TRMT9B: variants seen among roughly 807,000 people sequenced by gnomAD.
TRMT9B encodes tRNA methyltransferase 9B (putative).
Under a neutral mutation model 11.5 loss-of-function variants are expected in TRMT9B, and 16 were observed. The ratio of observed to expected loss-of-function variants is 1.39; its 90% confidence interval spans 0.94 to 2.11. The LOEUF (loss-of-function observed/expected upper bound fraction) is 2.11. Among genes scored for constraint, TRMT9B ranks in the 30% most tolerant of loss-of-function variants. The pLI, the probability that TRMT9B is intolerant of heterozygous loss-of-function variation, is 0.00. For missense variants in TRMT9B, 941 were observed against 553.8 expected (o/e 1.70, Z -7.02); for synonymous variants, 274 against 192.4 (o/e 1.42, Z -3.51).
intron 1 of TRMT9B, among the ~76,000 whole-genome samples, chr8:12,974,329 C>T (rs1804097128): frequency 1.3e-5 from 2 of 152,078 alleles, no homozygotes; most frequent in South Asian, 4.1e-4. Flanking sequence ...TTGATAGCAG[C>T]AGGTCCAAGC....
At chr8:12,956,862 A>G (rs1801384110) in intron 1 of TRMT9B, among the ~76,000 whole-genome samples, 1 of 152,182 alleles carries the variant, frequency 6.6e-6, no homozygotes, top group African/African-American at 2.4e-5. Context: ...CAAACTATTG[A>G]AGTAGATATG....
rs532333169 is a variant in TRMT9B at position 13,011,741 on chromosome 8, T to C, written c.155-943T>C. On this transcript the variant is annotated intron_variant, in intron 3 of 4. Coordinates refer to ENST00000524591, the MANE Select transcript of TRMT9B (RefSeq NM_020844.3). The stretch of plus-strand genomic sequence containing the variant: ...ACTGGAAAGTGAATATCAAAAATTG[T>C]CTATTTAAGAAAAAAAGTAGTTTTT... 1.7e-4 allele frequency: 164 copies of C among 970,090 alleles called. 1 individual carries two copies. The South Asian group carries it at 5.0e-3, about 30-fold the overall frequency. 60.1% of individuals were successfully genotyped at this position (970,090 alleles called of 1,614,324 possible).
At chr8:12,964,719 C>A (rs1333011262) in intron 1 of TRMT9B, among the ~76,000 whole-genome samples, 1 of 151,462 alleles carries the variant, frequency 6.6e-6, no homozygotes, top group Non-Finnish European at 1.5e-5. Flanking sequence ...GGACTATAAG[C>A]ATGCCACCAC....
intron 3 of TRMT9B, chr8:13,011,459 T>C: frequency 8.1e-6 from 8 of 985,338 alleles, no homozygotes; most frequent in Non-Finnish European, 9.6e-6. Flanking sequence ...GGTAGATATC[T>C]TTTCAGGTAG....
At chr8:12,990,560 A>G (rs1350513362) in intron 1 of TRMT9B, among the ~76,000 whole-genome samples, 4 of 152,202 alleles carry the variant, frequency 2.6e-5, no homozygotes, top group African/African-American at 7.2e-5. Context: ...ATGACTCTCA[A>G]TGTTAGCAAT....
intron 2 of TRMT9B, among the ~76,000 whole-genome samples, chr8:13,005,182 G>C (rs1336075604): frequency 2.0e-5 from 3 of 152,076 alleles, no homozygotes; most frequent in Non-Finnish European, 4.4e-5. Flanking sequence ...AAATCAGTCA[G>C]GCACAGAAAG....
intron 1 of TRMT9B, among the ~76,000 whole-genome samples, chr8:12,965,477 C>T (rs1297829976): frequency 8.5e-5 from 13 of 152,144 alleles, no homozygotes; most frequent in African/African-American, 1.2e-4. Flanking sequence ...TCCGGATCCC[C>T]GTCCAGAACC....
intron 1 of TRMT9B, among the ~76,000 whole-genome samples, chr8:12,963,977 C>T (rs527892564): frequency 6.6e-6 from 1 of 152,282 alleles, no homozygotes; most frequent in East Asian, 1.9e-4. Context: ...TTATAAATGA[C>T]ACCAATCGCA....
intron 4 of TRMT9B, among the ~76,000 whole-genome samples, chr8:13,017,839 G>C (rs1463674160): frequency 6.6e-6 from 1 of 151,162 alleles, no homozygotes; most frequent in Non-Finnish European, 1.5e-5. Flanking sequence ...GCCCAGGCTG[G>C]TCTTGAACCC....
At chr8:12,956,440 ATAAC>A (rs1585070437) in intron 1 of TRMT9B, among the ~76,000 whole-genome samples, 1 of 152,234 alleles carries the variant, frequency 6.6e-6, no homozygotes, top group South Asian at 2.1e-4. Flanking sequence ...AAGCAAATGA[ATAAC>A]TAAAAATTAC....
rs374023581 is a variant in TRMT9B at position 13,021,350 on chromosome 8, C to T, written c.671C>T (p.Thr224Ile). The change falls in exon 5 of 5, where the codon ACC (threonine) becomes ATC (isoleucine). Residue 224 changes from threonine (T) to isoleucine (I), a missense_variant. By Grantham distance (89) the Thr-to-Ile change is moderately conservative (BLOSUM62 -1). Transcript: ENST00000524591. ...SVGYEPAMAR[T>I]CFANISKEGE... ...GGCTATGAACCTGCTATGGCAAGAA[C>T]CTGTTTTGCAAATATTTCTAAGGAA... The T allele has an allele frequency of 1.2e-6, 2 of 1,613,898 alleles. No individual in the cohort carries two copies. The highest frequency in any genetic ancestry group is 2.2e-5 in the East Asian group (1 of 44,902).
At chr8:12,964,383 C>G (rs999188768) in intron 1 of TRMT9B, among the ~76,000 whole-genome samples, 7 of 152,170 alleles carry the variant, frequency 4.6e-5, no homozygotes, top group African/African-American at 1.7e-4. Flanking sequence ...CAGAACATTT[C>G]CATCCTGCCG....
At chr8:12,979,049 T>C (rs1024801734) in intron 1 of TRMT9B, among the ~76,000 whole-genome samples, 2 of 152,116 alleles carry the variant, frequency 1.3e-5, no homozygotes, top group African/African-American at 4.8e-5. Flanking sequence ...AGTTACAGAC[T>C]TGGGGACACT....
intron 2 of TRMT9B, among the ~76,000 whole-genome samples, chr8:12,992,097 G>A (rs1807452940): frequency 6.6e-6 from 1 of 152,158 alleles, no homozygotes; most frequent in Non-Finnish European, 1.5e-5. Flanking sequence ...GTAAAGTATT[G>A]TTGTTTTGCA....
chr8:13,000,673 C>T lies in TRMT9B; in HGVS notation c.-1-5529C>T, dbSNP rs188784873. On this transcript the variant is annotated intron_variant, in intron 2 of 4. Coordinates refer to ENST00000524591, the MANE Select transcript of TRMT9B (RefSeq NM_020844.3). ...TTGGGGGTTTGTTTTAAGGTTACCT[C>T]GTAAGCTTTACAAGTTGCTTGAAAA... is the stretch of plus-strand genomic sequence containing the variant. Among the ~76,000 whole-genome samples the T allele has an allele frequency of 3.5e-3, 533 of 152,220 alleles. 6 individuals carry two copies. The highest frequency in any genetic ancestry group is 0.012 in the African/African-American group (492 of 41,540).
At chr8:13,016,040 G>A (rs1036801400) in intron 4 of TRMT9B, among the ~76,000 whole-genome samples, 1 of 150,624 alleles carries the variant, frequency 6.6e-6, no homozygotes, top group Non-Finnish European at 1.5e-5. Flanking sequence ...GAGTTCAGGA[G>A]TTTGAGTCCA....
chr8:13,003,986 T>C (rs1809947711), intron 2 of TRMT9B, among the ~76,000 whole-genome samples: 1 of 151,678 alleles, frequency 6.6e-6, no homozygotes, highest in South Asian at 2.1e-4. Context: ...AGAGAATCTG[T>C]GCTTAGGGGA....
At chr8:13,012,474 C>T (rs1168096406) in intron 3 of TRMT9B, 2 of 589,486 alleles carry the variant, frequency 3.4e-6, no homozygotes, top group African/African-American at 3.9e-5. Flanking sequence ...ACTCGGGAGG[C>T]TAAGGCAAGA....
In TRMT9B at chr8:13,029,169, C is replaced by T. The variant is rs1205223502; in HGVS notation, c.*7125C>T. On this transcript the variant is annotated 3_prime_UTR_variant, in exon 5 of 5. Transcript: ENST00000524591. Reference sequence around the variant, plus strand: ...TAGCAATTACCATAGAAATGTATTTCATTGAATAAATAGCTTTTGTTTGTT... The same window carrying T: ...TAGCAATTACCATAGAAATGTATTTTATTGAATAAATAGCTTTTGTTTGTT... 6.1e-6 allele frequency: 1 copy of T among 164,894 alleles called. No homozygotes were observed. Among genetic ancestry groups the T allele is most frequent in the Non-Finnish European group, 1.5e-5 (1 of 67,792 alleles). 10.2% of individuals were successfully genotyped at this position (164,894 alleles called of 1,614,324 possible). A position where few individuals can be genotyped will look rare whatever the true frequency, so the allele number is the denominator to read the frequency against.
Sources: gnomAD v4.1 joint callset for allele counts (sites outside exome capture counted in the v4.1 genomes callset) on GRCh38, gnomAD v4.1.1 for gene constraint, MANE v1.5 for transcripts, NCBI Gene and HGNC (gene_info 2026-07-23, HGNC 2026-07-21) for gene names.